DOCK3: variants seen among roughly 807,000 people sequenced by gnomAD.
DOCK3 encodes the protein dedicator of cytokinesis protein 3.
Under a neutral mutation model 265.6 loss-of-function variants are expected in DOCK3, and 60 were observed. The observed-to-expected ratio is 0.23, with a 90% CI of 0.18 to 0.28. The LOEUF (loss-of-function observed/expected upper bound fraction) is 0.28, where lower values mean the gene tolerates loss of function less well. DOCK3 is among the 10% of genes least tolerant of loss of function. DOCK3 has a pLI of 1.00. For synonymous variants in DOCK3, 881 were observed against 938.0 expected, an observed-to-expected ratio of 0.94 and a Z score of 1.11; for missense variants, 1,981 against 2,594.3, an observed-to-expected ratio of 0.76 and a Z score of 5.14.
chr3:51,375,960 A>G, intron 51 of DOCK3, 125 bp downstream of exon 51: 2 of 983,486 alleles, frequency 2.0e-6, no homozygotes, highest in South Asian at 1.4e-5. Context: ...CCGTCTGTCC[A>G]GAATTCTGAC....
intron 7 of DOCK3, among the ~76,000 whole-genome samples, chr3:51,083,132 C>T (rs1462435529): frequency 2.0e-5 from 3 of 152,176 alleles, no homozygotes; most frequent in African/African-American, 7.2e-5. Flanking sequence ...TAAGCCTCAC[C>T]ACAGCATCTA....
intron 2 of DOCK3, among the ~76,000 whole-genome samples, chr3:50,788,810 G>A (rs1349522450): frequency 6.8e-6 from 1 of 146,276 alleles, no homozygotes; most frequent in Non-Finnish European, 1.5e-5. Flanking sequence ...GGGGAGGGGG[G>A]TGGGTGTGTG....
chr3:50,920,550 T>C (rs1360716279), intron 4 of DOCK3, among the ~76,000 whole-genome samples: 2 of 152,242 alleles, frequency 1.3e-5, no homozygotes, highest in Non-Finnish European at 2.9e-5. Flanking sequence ...GTGTTTATAG[T>C]ATTCTCTGAT....
intron 22 of DOCK3, among the ~76,000 whole-genome samples, chr3:51,248,446 C>T (rs979761846): frequency 5.9e-5 from 9 of 152,224 alleles, no homozygotes; most frequent in East Asian, 1.9e-4. Context: ...CCACCAGCCT[C>T]GGCCTCCTGA....
At chr3:50,872,101 GTT>G (rs1224846214) in intron 3 of DOCK3, among the ~76,000 whole-genome samples, 1 of 152,186 alleles carries the variant, frequency 6.6e-6, no homozygotes, top group African/African-American at 2.4e-5. Flanking sequence ...TACTTGTAGA[GTT>G]TTGTCTGTGG....
chr3:51,202,340 C>G (rs13091488), intron 12 of DOCK3, among the ~76,000 whole-genome samples: 132,416 of 149,268 alleles, frequency 0.89, 58,852 homozygotes, highest in East Asian at 0.93. Context: ...GGGGATATCA[C>G]CACCGATCCC....
intron 22 of DOCK3, among the ~76,000 whole-genome samples, chr3:51,252,642 T>G (rs2079315519): frequency 6.6e-6 from 1 of 152,266 alleles, no homozygotes; most frequent in South Asian, 2.1e-4. Context: ...TGGGAGTTCA[T>G]TCCTGATTTG....
intron 2 of DOCK3, among the ~76,000 whole-genome samples, chr3:50,802,487 G>C (rs1329084997): frequency 1.3e-5 from 2 of 152,102 alleles, no homozygotes; most frequent in Non-Finnish European, 2.9e-5. Flanking sequence ...TTTCTTGTCT[G>C]TGAAAGATTT....
chr3:50,905,067 G>A (rs991089240), intron 4 of DOCK3, among the ~76,000 whole-genome samples: 6 of 152,064 alleles, frequency 3.9e-5, no homozygotes, highest in Admixed American at 3.9e-4. Flanking sequence ...AGATCAGATG[G>A]TTGTAGATGT....
At chr3:50,747,296 A>G (rs186361336) in intron 1 of DOCK3, among the ~76,000 whole-genome samples, 16 of 152,252 alleles carry the variant, frequency 1.1e-4, no homozygotes, top group East Asian at 7.7e-4. Context: ...TGGCTATTCT[A>G]TGTCATCTGC....
chr3:51,370,976 T>C (rs2087635152), intron 49 of DOCK3, among the ~76,000 whole-genome samples: 1 of 152,194 alleles, frequency 6.6e-6, no homozygotes, highest in South Asian at 2.1e-4. Context: ...TGACTTAGGC[T>C]TCTCACAGCA....
chr3:51,142,348 A>G (rs1381138606), intron 9 of DOCK3, among the ~76,000 whole-genome samples: 1 of 152,182 alleles, frequency 6.6e-6, no homozygotes, highest in Non-Finnish European at 1.5e-5. Context: ...CAAGAAATAG[A>G]ACATTTCATC....
At chr3:51,287,514 T>C (rs2081472738) in intron 27 of DOCK3, among the ~76,000 whole-genome samples, 1 of 152,002 alleles carries the variant, frequency 6.6e-6, no homozygotes, top group Admixed American at 6.6e-5. Context: ...GTACCACAGT[T>C]CTCCCACGTG....
chr3:51,293,133 A>G lies in DOCK3; in HGVS notation c.2922+12929A>G, dbSNP rs182711366. Among the ~76,000 whole-genome samples, 324 of 152,270 alleles carry G rather than the reference A, an allele frequency of 2.1e-3. 1 individual carries two copies. Among genetic ancestry groups the G allele is most frequent in the Non-Finnish European group, 3.3e-3 (226 of 68,028 alleles). ...AGAAATAGAAAAAAACAATCCTAAA[A>G]TGTGTATGGAATAAAAAAAGACCCC... On this transcript the variant is annotated intron_variant, in intron 27 of 52. Transcript: ENST00000266037.
intron 4 of DOCK3, among the ~76,000 whole-genome samples, chr3:50,914,364 T>G (rs1264000877): frequency 2.0e-5 from 3 of 152,128 alleles, no homozygotes; most frequent in South Asian, 2.1e-4. Context: ...AATACCACTT[T>G]TGCTGTATCC....
rs1457072274 is a variant in DOCK3 at position 51,381,969 on chromosome 3, C to T, written c.*410C>T. On this transcript the variant is annotated 3_prime_UTR_variant, in exon 53 of 53. Coordinates refer to ENST00000266037, the MANE Select transcript of DOCK3 (RefSeq NM_004947.5). This position sits in a 1 kb window ranked among gnomAD's most constrained non-coding sequence, Gnocchi z 5.6. ...GTAGAGATGCACCGAATGGAAATTG[C>T]ACTAAGGACCTCTTCCTTTGCTGTA... 6.0e-6 allele frequency: 1 copy of T among 167,130 alleles called. No individual in the cohort carries two copies. The highest frequency in any genetic ancestry group is 1.7e-4 in the East Asian group (1 of 5,740). The allele number at this position is 167,130 out of a possible 1,614,324, so 10.4% of individuals were successfully genotyped here. A position where few individuals can be genotyped will look rare whatever the true frequency, so the allele number is the denominator to read the frequency against.
intron 11 of DOCK3, 35 bp downstream of exon 11, chr3:51,159,339 A>G: frequency 6.3e-7 from 1 of 1,599,474 alleles, no homozygotes; most frequent in Non-Finnish European, 8.6e-7. Flanking sequence ...ATGACTAAGA[A>G]TGGCCCAACT....
chr3:51,253,295 G>A lies in DOCK3; in HGVS notation c.2184+6488G>A, dbSNP rs565470604. Reference sequence around the variant, plus strand: ...TTTTACTGAGGATTTTCGCATCAATGTTCATCAGGGATATTGGTCTAAAAT... The same window carrying A: ...TTTTACTGAGGATTTTCGCATCAATATTCATCAGGGATATTGGTCTAAAAT... On this transcript the variant is annotated intron_variant, in intron 22 of 52. Coordinates refer to ENST00000266037, the MANE Select transcript of DOCK3 (RefSeq NM_004947.5). 1.1e-4 allele frequency among the ~76,000 whole-genome samples: 16 copies of A among 152,322 alleles called. 1 individual carries two copies. In the South Asian group the frequency reaches 3.1e-3, roughly 30 times the overall value.
At chr3:51,362,035 T>C (rs376863021) in intron 48 of DOCK3, 38 bp downstream of exon 48, 13 of 1,576,362 alleles carry the variant, frequency 8.2e-6, no homozygotes, top group Non-Finnish European at 1.1e-5. Flanking sequence ...CAGGGCACCA[T>C]GCCTACAGAA....
Sources: allele counts gnomAD v4.1 joint callset (sites outside exome capture counted in the v4.1 genomes callset), GRCh38; gene constraint gnomAD v4.1.1; non-coding constraint Gnocchi (gnomAD v3.1); transcripts MANE v1.5; gene names NCBI Gene and HGNC (gene_info 2026-07-23, HGNC 2026-07-21).